SCPEP1: variants seen among roughly 807,000 people sequenced by gnomAD.
SCPEP1 encodes retinoid-inducible serine carboxypeptidase.
In SCPEP1, 51 loss-of-function variants were observed where a neutral mutation model predicts 63.8. That is an observed-to-expected ratio of 0.80 (90% CI 0.64 to 1.01). SCPEP1 has a LOEUF of 1.01. SCPEP1 is among the 50% of genes least tolerant of loss of function. The probability of loss-of-function intolerance (pLI) is 0.00; values close to 1 mark genes in which losing one functional copy is unlikely to be tolerated. For missense variants in SCPEP1, 499 were observed against 554.9 expected, an observed-to-expected ratio of 0.90 and a Z score of 1.01; for synonymous variants, 204 against 207.8, an observed-to-expected ratio of 0.98 and a Z score of 0.16.
At chr17:56,992,839 A>T (rs530775931) in intron 6 of SCPEP1, among the ~76,000 whole-genome samples, 1 of 152,328 alleles carries the variant, frequency 6.6e-6, no homozygotes, top group East Asian at 1.9e-4. Context: ...TGTCTCTCCA[A>T]GATCAGTACG....
intron 9 of SCPEP1, 21 bp downstream of exon 9, chr17:56,997,076 T>A (rs767251534): frequency 7.0e-7 from 1 of 1,437,748 alleles, no homozygotes; most frequent in Non-Finnish European, 9.5e-7. Flanking sequence ...CTTGAAGTTA[T>A]TAAAGTCCCT....
chr17:56,985,925 C>T (rs755778343), intron 3 of SCPEP1, among the ~76,000 whole-genome samples: 11 of 152,066 alleles, frequency 7.2e-5, no homozygotes, highest in Non-Finnish European at 1.0e-4. Context: ...TCTCTTCCTT[C>T]CCTCACCCCT....
At chr17:56,981,403 G>A (rs907742341) in intron 2 of SCPEP1, among the ~76,000 whole-genome samples, 173 bp downstream of exon 2, 1 of 152,176 alleles carries the variant, frequency 6.6e-6, no homozygotes, top group Non-Finnish European at 1.5e-5. Flanking sequence ...TAGCCAAGGA[G>A]GCTAAATCAG....
intron 6 of SCPEP1, 32 bp from the exon 7 acceptor site, chr17:56,994,949 T>TA (rs774260876): frequency 6.3e-7 from 1 of 1,592,188 alleles, no homozygotes; most frequent in South Asian, 1.1e-5. Context: ...AGGTATGACA[T>TA]ACTTGATTTG....
intron 5 of SCPEP1, among the ~76,000 whole-genome samples, chr17:56,988,788 A>G (rs1407706266): frequency 6.6e-6 from 1 of 152,108 alleles, no homozygotes; most frequent in African/African-American, 2.4e-5. Flanking sequence ...AAACATAAAA[A>G]TAAAAATAAT....
At chr17:56,991,923 A>T (rs1309160734) in intron 6 of SCPEP1, among the ~76,000 whole-genome samples, 2 of 152,246 alleles carry the variant, frequency 1.3e-5, no homozygotes, top group East Asian at 3.8e-4. Flanking sequence ...TCCCTGGGGA[A>T]CAAAACCATC....
In SCPEP1 at chr17:56,995,325, G is replaced by C. The variant is rs188333541; in HGVS notation, c.658-182G>C. The stretch of plus-strand genomic sequence containing the variant: ...AAAGATCACGGTGAATACCTACTTA[G>C]GTTCAGTTAACAATTTGCTGTGTTT... On this transcript the variant is annotated intron_variant, in intron 7 of 12. Transcript: ENST00000262288. 1.2e-3 allele frequency: 771 copies of C among 630,416 alleles called. 5 individuals are homozygous for C. In the African/African-American group the frequency reaches 0.013, roughly 11 times the overall value. 39.1% of individuals were successfully genotyped at this position (630,416 alleles called of 1,614,324 possible).
chr17:56,982,408 G>A (rs1240474572), intron 2 of SCPEP1, among the ~76,000 whole-genome samples: 1 of 152,168 alleles, frequency 6.6e-6, no homozygotes, highest in Non-Finnish European at 1.5e-5. Context: ...TTCAGGGAGG[G>A]GCCTTTCTCT....
intron 5 of SCPEP1, 125 bp from the exon 6 acceptor site, chr17:56,990,974 A>G (rs570830996): frequency 1.3e-6 from 1 of 771,140 alleles, no homozygotes; most frequent in Non-Finnish European, 2.4e-6. Flanking sequence ...GTCTCACTAC[A>G]TTGCCTAGGC....
At position 56,995,509 on chromosome 17, in the gene SCPEP1, T is replaced by C; in HGVS notation, c.660T>C (p.Ser220=). The change falls in exon 8 of 13, where the codon TCT becomes TCC. Residue 220 remains serine, a splice_region_variant and synonymous_variant. Coordinates refer to ENST00000262288, the MANE Select transcript of SCPEP1 (RefSeq NM_021626.3). ...TTTGCTCTTGGTTTGCATTCCAGTC[T>C]CTTCTCGAAGACAAAGGTCTGGCAG... The part of the protein sequence containing the change: ...LSWGPYLYSM[S]LLEDKGLAEV... 1 of 1,611,504 alleles carries C rather than the reference T, an allele frequency of 6.2e-7. No homozygotes were observed. The highest frequency in any genetic ancestry group is 8.5e-7 in the Non-Finnish European group (1 of 1,179,316).
intron 10 of SCPEP1, 89 bp downstream of exon 10, chr17:56,998,587 TTTG>T: frequency 1.0e-6 from 1 of 995,318 alleles, no homozygotes. Flanking sequence ...TAGGGTGGGT[TTTG>T]TTGTTGGTGA....
At chr17:56,996,762 A>G (rs1176000994) in intron 8 of SCPEP1, among the ~76,000 whole-genome samples, 200 bp from the exon 9 acceptor site, 1 of 151,804 alleles carries the variant, frequency 6.6e-6, no homozygotes, top group African/African-American at 2.4e-5. Context: ...CAAGTGATCC[A>G]CCCACCTCAG....
chr17:56,988,307 T>G lies in SCPEP1; in HGVS notation c.546+17T>G, dbSNP rs951215468. ...CTTTATAAGGTAATGGAAAATAACTTTGTTGTTATGGTTTTGGACAGAAAA... is the reference window on the plus strand; with the variant it reads ...CTTTATAAGGTAATGGAAAATAACTGTGTTGTTATGGTTTTGGACAGAAAA... On this transcript the variant is annotated intron_variant, in intron 5 of 12. Transcript: ENST00000262288. 3 of 1,591,938 alleles carry G rather than the reference T, an allele frequency of 1.9e-6. No individual in the cohort carries two copies. The highest frequency in any genetic ancestry group is 2.6e-6 in the Non-Finnish European group (3 of 1,163,298).
chr17:56,982,437 G>A (rs1567863267), intron 2 of SCPEP1, among the ~76,000 whole-genome samples: 1 of 152,192 alleles, frequency 6.6e-6, no homozygotes, highest in African/African-American at 2.4e-5. Context: ...TATCACTTGT[G>A]CCACCTCTGA....
chr17:56,982,415 C>T (rs1358771861), intron 2 of SCPEP1, among the ~76,000 whole-genome samples: 3 of 152,234 alleles, frequency 2.0e-5, no homozygotes, highest in African/African-American at 7.2e-5. Context: ...AGGGGCCTTT[C>T]TCTTTTGGAA....
In SCPEP1 at chr17:56,995,569, C is replaced by T. The variant is rs533285361; in HGVS notation, c.720C>T (p.Ala240=). 2.4e-5 allele frequency: 38 copies of T among 1,613,812 alleles called. No individual in the cohort carries two copies. Among genetic ancestry groups the T allele is most frequent in the African/African-American group, 1.2e-4 (9 of 74,934 alleles). ...AGGTTGCAGAGCAAGTACTGAATGC[C>T]GTAAATAAGGGGCTCTACAGAGAGG... ...VSKVAEQVLN[A]VNKGLYREAT... Residue 240 remains alanine (A), a synonymous_variant, in exon 8 of 13, where the codon GCC becomes GCT. Coordinates refer to ENST00000262288, the MANE Select transcript of SCPEP1 (RefSeq NM_021626.3).
chr17:56,978,352 T>TTTAA, intron 1 of SCPEP1, 117 bp downstream of exon 1: 1 of 1,221,846 alleles, frequency 8.2e-7, no homozygotes, highest in Non-Finnish European at 1.1e-6. Context: ...TCTTACCTTG[T>TTTAA]GTAATTATAT....
intron 3 of SCPEP1, 98 bp downstream of exon 3, chr17:56,985,565 GTCCTTT>G (rs1387444169): frequency 1.1e-6 from 1 of 890,634 alleles, no homozygotes; most frequent in African/African-American, 1.7e-5. Flanking sequence ...ATCCCTCGCT[GTCCTTT>G]TCCTTTTCCT....
chr17:56,997,466 C>T (rs1046718652), intron 9 of SCPEP1, among the ~76,000 whole-genome samples: 29 of 152,208 alleles, frequency 1.9e-4, no homozygotes, highest in African/African-American at 5.5e-4. Context: ...CAAATTACAA[C>T]ATCAGTTCAA....
Sources: allele counts gnomAD v4.1 joint callset (sites outside exome capture counted in the v4.1 genomes callset), GRCh38; gene constraint gnomAD v4.1.1; transcripts MANE v1.5; gene names NCBI Gene and HGNC (gene_info 2026-07-23, HGNC 2026-07-21).